Variants in GRIK1 observed in about 807,000 individuals in gnomAD.
The protein encoded by GRIK1 is glutamate ionotropic receptor kainate type subunit 1, also known as glutamate receptor ionotropic, kainate 1.
A neutral mutation model predicts 105.7 loss-of-function variants in GRIK1; 69 were observed. The observed-to-expected ratio is 0.65, with a 90% CI of 0.54 to 0.80. GRIK1 has a LOEUF of 0.80. Among genes scored for constraint, GRIK1 ranks in the 30% least tolerant of loss-of-function variants. The probability of loss-of-function intolerance (pLI) is 0.00; values close to 1 mark genes in which losing one functional copy is unlikely to be tolerated. For missense variants in GRIK1, 1,109 were observed against 1,167.3 expected, an observed-to-expected ratio of 0.95 and a Z score of 0.73; for synonymous variants, 438 against 431.3, an observed-to-expected ratio of 1.02 and a Z score of -0.19.
At chr21:29,758,144 G>A (rs1260684594) in intron 1 of GRIK1, among the ~76,000 whole-genome samples, 1 of 152,144 alleles carries the variant, frequency 6.6e-6, no homozygotes, top group South Asian at 2.1e-4. Flanking sequence ...CTAAATGCAA[G>A]GAAAACCGTG....
intron 5 of GRIK1, among the ~76,000 whole-genome samples, chr21:29,653,940 A>G (rs2062793352): frequency 1.3e-5 from 2 of 152,136 alleles, no homozygotes; most frequent in African/African-American, 4.8e-5. Context: ...CAGAAATAGA[A>G]TTTACTACTT....
intron 1 of GRIK1, among the ~76,000 whole-genome samples, chr21:29,858,727 G>C (rs544283735): frequency 6.6e-6 from 1 of 152,068 alleles, no homozygotes; most frequent in African/African-American, 2.4e-5. Flanking sequence ...GCTCTGCTCA[G>C]TGACAGAGTC....
intron 1 of GRIK1, among the ~76,000 whole-genome samples, chr21:29,877,648 T>A (rs75543228): frequency 2.0e-5 from 3 of 152,150 alleles, no homozygotes; most frequent in Non-Finnish European, 2.9e-5. Context: ...CCTATTATTC[T>A]TTTATGTTGT....
intron 3 of GRIK1, among the ~76,000 whole-genome samples, chr21:29,685,240 G>A (rs1401138005): frequency 6.6e-6 from 1 of 152,150 alleles, no homozygotes; most frequent in African/African-American, 2.4e-5. Flanking sequence ...CTCAGGAAAA[G>A]GCAGCCATAG....
chr21:29,903,195 G>T (rs2070473485), intron 1 of GRIK1, among the ~76,000 whole-genome samples: 1 of 152,104 alleles, frequency 6.6e-6, no homozygotes, highest in East Asian at 1.9e-4. Context: ...GAAAACCTGG[G>T]CAGTATCATT....
At chr21:29,920,431 T>C (rs1375871778) in intron 1 of GRIK1, among the ~76,000 whole-genome samples, 1 of 152,056 alleles carries the variant, frequency 6.6e-6, no homozygotes, top group Non-Finnish European at 1.5e-5. Flanking sequence ...GAAGTCAGTT[T>C]CTAGGAATGA....
In GRIK1 at chr21:29,859,267, C is replaced by T. The variant is rs142075763; in HGVS notation, c.118+80116G>A. Among the ~76,000 whole-genome samples, 511 of 151,600 alleles carry T rather than the reference C, an allele frequency of 3.4e-3. 5 individuals are homozygous for T. In the East Asian group the frequency reaches 0.038, roughly 11 times the overall value. On this transcript the variant is annotated intron_variant, in intron 1 of 17. Coordinates refer to ENST00000327783, the MANE Select transcript of GRIK1 (RefSeq NM_001330994.2). ...TAGAAGATATACCTAATGTAAATGA[C>T]GAATTAATGGATGCAGCACACCAAC...
At chr21:29,690,877 C>A (rs898045979) in intron 2 of GRIK1, among the ~76,000 whole-genome samples, 1 of 152,018 alleles carries the variant, frequency 6.6e-6, no homozygotes, top group Non-Finnish European at 1.5e-5. Flanking sequence ...AAATTAGAAT[C>A]ATTATATAAA....
chr21:29,549,717 G>T (rs1019323688), intron 16 of GRIK1, among the ~76,000 whole-genome samples: 3 of 151,918 alleles, frequency 2.0e-5, no homozygotes, highest in East Asian at 1.9e-4. Flanking sequence ...TCTACAGTTC[G>T]CTTGAAATGC....
chr21:29,564,140 C>CATTTATTT (rs572566708), intron 14 of GRIK1, among the ~76,000 whole-genome samples: 1 of 152,092 alleles, frequency 6.6e-6, no homozygotes, highest in Admixed American at 6.5e-5. Flanking sequence ...TTTTTCACCA[C>CATTTATTT]ATTTATTTAT....
Position 29,804,577 on chromosome 21 carries a change from A to G in GRIK1, c.119-110514T>C, listed in dbSNP as rs140908666. ...ATGGTAATATCAGGATGTTGAGGCT[A>G]ATGTTTTTTGCACTGTATGATAGTA... On this transcript the variant is annotated intron_variant, in intron 1 of 17. Coordinates refer to ENST00000327783, the MANE Select transcript of GRIK1 (RefSeq NM_001330994.2). Among the ~76,000 whole-genome samples, 135 of 152,300 alleles carry G rather than the reference A, an allele frequency of 8.9e-4. 2 individuals carry two copies. The highest frequency in any genetic ancestry group is 5.0e-4 in the Non-Finnish European group (34 of 68,018).
chr21:29,650,861 G>T (rs2062720387), intron 6 of GRIK1, among the ~76,000 whole-genome samples: 2 of 152,158 alleles, frequency 1.3e-5, no homozygotes, highest in Admixed American at 6.5e-5. Context: ...TCCTTGCACT[G>T]GTTTGGCTGA....
At chr21:29,723,122 C>T (rs552144048) in intron 1 of GRIK1, among the ~76,000 whole-genome samples, 1 of 152,236 alleles carries the variant, frequency 6.6e-6, no homozygotes, top group South Asian at 2.1e-4. Context: ...CAAGACCAGC[C>T]TGGGCAACAC....
At chr21:29,835,908 T>C (rs400791) in intron 1 of GRIK1, among the ~76,000 whole-genome samples, 59,154 of 152,154 alleles carry the variant, frequency 0.39, 12,593 homozygotes, top group East Asian at 0.7. Flanking sequence ...TAAAGTAACC[T>C]GTTCCTCAAC....
chr21:29,913,928 C>G (rs536249552), intron 1 of GRIK1, among the ~76,000 whole-genome samples: 1 of 151,934 alleles, frequency 6.6e-6, no homozygotes, highest in African/African-American at 2.4e-5. Flanking sequence ...ACTGATTATA[C>G]CACTAACAGC....
intron 3 of GRIK1, among the ~76,000 whole-genome samples, chr21:29,673,943 C>G (rs1041581494): frequency 7.9e-5 from 12 of 152,158 alleles, no homozygotes; most frequent in Non-Finnish European, 1.6e-4. Flanking sequence ...ACATGCTTTA[C>G]TAGGACAAGG....
At chr21:29,809,551 GCTT>G (rs2066953742) in intron 1 of GRIK1, among the ~76,000 whole-genome samples, 2 of 152,312 alleles carry the variant, frequency 1.3e-5, no homozygotes, top group Admixed American at 1.3e-4. Context: ...GCTGGTTTGA[GCTT>G]CTATCCAGAC....
chr21:29,896,300 TG>T (rs1170155138), intron 1 of GRIK1, among the ~76,000 whole-genome samples: 1 of 152,212 alleles, frequency 6.6e-6, no homozygotes, highest in Non-Finnish European at 1.5e-5. Context: ...GCTTTTCCCC[TG>T]GGTACCCTAG....
Position 29,596,922 on chromosome 21 carries a change from CAATT to C in GRIK1, c.1207-356_1207-353del, listed in dbSNP as rs571902789. The C allele has an allele frequency of 3.4e-5, 10 of 295,980 alleles. No individual in the cohort carries two copies. The South Asian group carries it at 3.6e-4, about 11-fold the overall frequency. 18.3% of individuals were successfully genotyped at this position (295,980 alleles called of 1,614,324 possible). On this transcript the variant is annotated intron_variant, in intron 8 of 17. Coordinates refer to ENST00000327783, the MANE Select transcript of GRIK1 (RefSeq NM_001330994.2). ...TAAGGCATTGGTAACTAAAATCAAT[CAATT>C]AACCAACCAACCAGCAAATCAATCA... is the stretch of plus-strand genomic sequence containing the variant.
Sources: allele counts gnomAD v4.1 joint callset (sites outside exome capture counted in the v4.1 genomes callset), GRCh38; gene constraint gnomAD v4.1.1; transcripts MANE v1.5; gene names NCBI Gene and HGNC (gene_info 2026-07-23, HGNC 2026-07-21).